Variants in BAZ2B observed in about 807,000 individuals in gnomAD.
The protein encoded by BAZ2B is bromodomain adjacent to zinc finger domain protein 2B.
A neutral mutation model predicts 246.0 loss-of-function variants in BAZ2B; 91 were observed. The observed-to-expected ratio is 0.37, with a 90% CI of 0.31 to 0.44. The LOEUF is 0.44. Among genes scored for constraint, BAZ2B ranks in the 20% least tolerant of loss-of-function variants. The probability of loss-of-function intolerance (pLI) is 1.00; values close to 1 mark genes in which losing one functional copy is unlikely to be tolerated. For synonymous variants in BAZ2B, 855 were observed against 860.0 expected (o/e 0.99, Z 0.10); for missense variants, 2,332 against 2,533.7 (o/e 0.92, Z 1.71).
intron 1 of BAZ2B, among the ~76,000 whole-genome samples, chr2:159,599,935 CAAAAA>C (rs11303439): frequency 2.0e-5 from 2 of 101,606 alleles, no homozygotes; most frequent in Non-Finnish European, 3.8e-5. Context: ...GACTCCTTCT[CAAAAA>C]AAAAAAAAAA....
intron 1 of BAZ2B, among the ~76,000 whole-genome samples, chr2:159,595,764 A>G (rs1281479248): frequency 6.6e-6 from 1 of 152,252 alleles, no homozygotes; most frequent in Admixed American, 6.5e-5. Flanking sequence ...ATCAGTCCAT[A>G]GCCCACTCTT....
At chr2:159,591,894 A>G (rs1689471121) in intron 1 of BAZ2B, among the ~76,000 whole-genome samples, 1 of 152,198 alleles carries the variant, frequency 6.6e-6, no homozygotes, top group African/African-American at 2.4e-5. Flanking sequence ...CTTTAAGCTA[A>G]GCAAAGCAGC....
At chr2:159,636,884 T>C in the BAZ2B span, among the ~76,000 whole-genome samples, 1 of 152,108 alleles carries the variant, frequency 6.6e-6, no homozygotes, top group Non-Finnish European at 1.5e-5. Flanking sequence ...CTGGGCAGAG[T>C]TGTGAGGCCC....
chr2:159,447,851 G>A (rs973466521), intron 5 of BAZ2B, among the ~76,000 whole-genome samples: 3 of 152,154 alleles, frequency 2.0e-5, no homozygotes, highest in East Asian at 1.9e-4. Context: ...GGTGGCCTAC[G>A]CTTGTGATCC....
chr2:159,337,808 T>G (rs754716707), intron 31 of BAZ2B, 36 bp from the exon 32 acceptor site: 1 of 1,577,390 alleles, frequency 6.3e-7, no homozygotes, highest in Admixed American at 1.7e-5. Context: ...TATGGTTTCC[T>G]CTTAAAATGC....
chr2:159,426,319 C>T (rs115832354), intron 13 of BAZ2B, among the ~76,000 whole-genome samples: 2,902 of 152,136 alleles, frequency 0.019, 45 homozygotes, highest in Middle Eastern at 0.072. Context: ...CTTTCCTCTC[C>T]GAACAAAAAT....
intron 2 of BAZ2B, among the ~76,000 whole-genome samples, chr2:159,518,657 T>C (rs2083705002): frequency 6.6e-6 from 1 of 152,192 alleles, no homozygotes; most frequent in Non-Finnish European, 1.5e-5. Flanking sequence ...TAATTTAAGA[T>C]GACTTACAAA....
At chr2:159,511,329 A>C (rs1211713823) in intron 2 of BAZ2B, among the ~76,000 whole-genome samples, 1 of 151,880 alleles carries the variant, frequency 6.6e-6, no homozygotes, top group Non-Finnish European at 1.5e-5. Flanking sequence ...TCAGCCTCCC[A>C]AGTAGCTGGG....
the BAZ2B span, among the ~76,000 whole-genome samples, chr2:159,674,692 G>A: frequency 6.6e-6 from 1 of 150,982 alleles, no homozygotes; most frequent in Admixed American, 6.6e-5. Context: ...GTCCAGCCTG[G>A]GTGACAAGAA....
chr2:159,370,599 C>T (rs1333563404), intron 27 of BAZ2B, among the ~76,000 whole-genome samples: 1 of 151,936 alleles, frequency 6.6e-6, no homozygotes, highest in African/African-American at 2.4e-5. Context: ...GTCTTGATCT[C>T]CTGACCTCGT....
chr2:159,626,204 A>C, the BAZ2B span, among the ~76,000 whole-genome samples: 1 of 152,100 alleles, frequency 6.6e-6, no homozygotes, highest in South Asian at 2.1e-4. Context: ...CTACAAAGAG[A>C]CTTAGACTCC....
intron 4 of BAZ2B, 83 bp downstream of exon 4, chr2:159,453,530 C>T (rs1045930793): frequency 7.1e-7 from 1 of 1,409,310 alleles, no homozygotes; most frequent in African/African-American, 1.4e-5. Context: ...TAGACTATTC[C>T]TTTTGTTCAA....
chr2:159,597,603 T>C (rs1216902333), intron 1 of BAZ2B, among the ~76,000 whole-genome samples: 1 of 152,198 alleles, frequency 6.6e-6, no homozygotes, highest in Non-Finnish European at 1.5e-5. Context: ...GTCAGCTCAC[T>C]GCGACCTTCG....
At chr2:159,565,794 G>GAA (rs1313524446) in intron 1 of BAZ2B, among the ~76,000 whole-genome samples, 1 of 116,562 alleles carries the variant, frequency 8.6e-6, no homozygotes, top group African/African-American at 2.9e-5. Flanking sequence ...AAAAAAAAAG[G>GAA]AAAAAAAAAA....
intron 34 of BAZ2B, among the ~76,000 whole-genome samples, chr2:159,330,806 CTG>C (rs1336466291): frequency 1.3e-5 from 2 of 152,032 alleles, no homozygotes; most frequent in Non-Finnish European, 1.5e-5. Context: ...CTGCAATAAA[CTG>C]TGATAGTGTC....
At chr2:159,570,195 T>C in intron 1 of BAZ2B, among the ~76,000 whole-genome samples, 1 of 151,926 alleles carries the variant, frequency 6.6e-6, no homozygotes, top group Middle Eastern at 3.2e-3. Flanking sequence ...TTTTTTGTTT[T>C]TTTTCTGGAG....
rs1261694002 is a variant in BAZ2B, at chr2:159,373,178, C to T, written c.4080G>A (p.Gln1360=). 3 of 1,610,104 alleles carry T rather than the reference C, an allele frequency of 1.9e-6. No homozygotes were observed. ...ACGCATCAAAGAGCTTCCTTCTGTA[C>T]TGACTCTGTTGCTGTTAAAAAAATG... ...QIEKLSKQQS[Q]YRRKLFDASH... The change falls in exon 27 of 37, where the codon CAG becomes CAA. Residue 1360 remains glutamine (Q), a synonymous_variant. Coordinates refer to ENST00000392783, the MANE Select transcript of BAZ2B (RefSeq NM_013450.4).
At chr2:159,428,254 G>A (rs1248188823) in intron 12 of BAZ2B, 57 bp downstream of exon 12, 1 of 1,414,444 alleles carries the variant, frequency 7.1e-7, no homozygotes, top group Non-Finnish European at 9.8e-7. Context: ...CTTTTTTTTT[G>A]TACATGATCA....
rs539177043 is a variant in BAZ2B, at chr2:159,417,563, C to CAAAGAGAAAAAAGG, written c.2467-5032_2467-5019dup. On this transcript the variant is annotated intron_variant, in intron 13 of 36. Coordinates refer to ENST00000392783, the MANE Select transcript of BAZ2B (RefSeq NM_013450.4). ...AATACCTTCACTTCTATAAATACTA[C>CAAAGAGAAAAAAGG]AAAGAGAAAAAAGGAAAAAAAGAAA... is the stretch of plus-strand genomic sequence containing the variant. Among the ~76,000 whole-genome samples, 942 of 150,876 alleles carry CAAAGAGAAAAAAGG rather than the reference C, an allele frequency of 6.2e-3. 9 individuals are homozygous for CAAAGAGAAAAAAGG. Among genetic ancestry groups the CAAAGAGAAAAAAGG allele is most frequent in the Non-Finnish European group, 8.0e-3 (540 of 67,734 alleles).
Sources: allele counts gnomAD v4.1 joint callset (sites outside exome capture counted in the v4.1 genomes callset), GRCh38; gene constraint gnomAD v4.1.1; transcripts MANE v1.5; gene names NCBI Gene and HGNC (gene_info 2026-07-23, HGNC 2026-07-21).